DACT2: variants seen among roughly 807,000 people sequenced by gnomAD.
DACT2 encodes dishevelled binding antagonist of beta catenin 2, also known as dapper homolog 2.
Under a neutral mutation model 22.2 loss-of-function variants are expected in DACT2, and 20 were observed. The observed-to-expected ratio is 0.90, with a 90% CI of 0.63 to 1.31. The LOEUF (loss-of-function observed/expected upper bound fraction) is 1.31, where lower values mean the gene tolerates loss of function less well. DACT2 is among the 50% of genes most tolerant of loss of function. The probability of loss-of-function intolerance (pLI) is 0.00; values close to 1 mark genes in which losing one functional copy is unlikely to be tolerated. For synonymous variants in DACT2, 463 were observed against 479.8 expected (o/e 0.96, Z 0.46); for missense variants, 1,048 against 1,061.4 (o/e 0.99, Z 0.18).
rs1477128940 is a variant in DACT2 at position 168,308,295 on chromosome 6, T to G, written c.1462A>C (p.Lys488Gln). The G allele has an allele frequency of 6.4e-7, 1 of 1,552,282 alleles. No homozygotes were observed. Among genetic ancestry groups the G allele is most frequent in the Non-Finnish European group, 8.7e-7 (1 of 1,147,118 alleles). Residue 488 changes from lysine (K) to glutamine (Q), a missense_variant, in exon 4 of 4, where the codon AAA becomes CAA. Transcript: ENST00000366795. ...GCCTTGCTCTTGGGGGGACCCATTT[T>G]CAGGCTGGCAGCAAAGGATGGGTGG... ...FAHPSFAASLKMGPPKSKAEK... is the reference protein window; with the variant it reads ...FAHPSFAASLQMGPPKSKAEK...
intron 4 of DACT2, chr6:168,294,305 C>G: frequency 1.4e-6 from 1 of 696,992 alleles, no homozygotes; most frequent in Non-Finnish European, 2.6e-6. Flanking sequence ...TGTGAGGACA[C>G]AGAGGAAGGG....
intron 3 of DACT2, among the ~76,000 whole-genome samples, chr6:168,301,651 A>T (rs116152036): frequency 0.012 from 1,831 of 152,342 alleles, 36 homozygotes; most frequent in African/African-American, 0.042. Context: ...GCCTCTCATT[A>T]GAGCTGTGGT....
chr6:168,296,751 A>T (rs77423363), intron 3 of DACT2, among the ~76,000 whole-genome samples: 6,050 of 152,324 alleles, frequency 0.04, 273 homozygotes, highest in African/African-American at 0.11. Flanking sequence ...TAGGAGCTCT[A>T]CAAATACAAC....
chr6:168,298,796 A>T (rs1207076999), intron 3 of DACT2: 1 of 152,210 alleles, frequency 6.6e-6, no homozygotes, highest in Non-Finnish European at 1.5e-5. Flanking sequence ...TTAATTTCAG[A>T]CACCTCCACG....
Position 168,294,076 on chromosome 6 carries a change from G to A in DACT2, c.795+57C>T, listed in dbSNP as rs73789344. On this transcript the variant is annotated intron_variant, in intron 5 of 5. Coordinates refer to the DACT2 transcript ENST00000366796. Reference sequence around the variant, plus strand: ...ACGATGCCCATGAGCACAGACCCGCGATGGCAGTTGTGCAGCTAGACCCGA... The same window carrying A: ...ACGATGCCCATGAGCACAGACCCGCAATGGCAGTTGTGCAGCTAGACCCGA... The A allele has an allele frequency of 4.7e-3, 3,296 of 702,858 alleles. 61 individuals are homozygous for A. Among genetic ancestry groups the A allele is most frequent in the African/African-American group, 0.045 (2,567 of 57,286 alleles). 43.5% of individuals were successfully genotyped at this position (702,858 alleles called of 1,614,324 possible). A position where few individuals can be genotyped will look rare whatever the true frequency, so the allele number is the denominator to read the frequency against.
intron 3 of DACT2, chr6:168,294,745 A>C (rs1778980777): frequency 9.4e-7 from 1 of 1,060,824 alleles, no homozygotes; most frequent in Non-Finnish European, 1.3e-6. Context: ...GAGCTACAGA[A>C]CACACCTGCA....
chr6:168,310,293 G>C lies in DACT2; in HGVS notation c.533C>G (p.Ser178Trp). The C allele has an allele frequency of 6.4e-7, 1 of 1,551,522 alleles. No individual in the cohort carries two copies. The highest frequency in any genetic ancestry group is 8.7e-7 in the Non-Finnish European group (1 of 1,146,970). ...RPSMGDWRPR[S>W]VDETTVPAWR... ...CGCTGGCACAGTAGTCTCATCAACC[G>C]ACCGGGGCCTCCAGTCCCCCATGCT... Residue 178 changes from serine (S) to tryptophan (W), a missense_variant, in exon 3 of 4, where the codon TCG becomes TGG. Physicochemically the swap from Ser to Trp is radical, Grantham distance 177. Coordinates refer to ENST00000366795, the MANE Select transcript of DACT2 (RefSeq NM_214462.5).
downstream of DACT2, among the ~76,000 whole-genome samples, chr6:168,304,904 T>C (rs1779174594): frequency 6.6e-6 from 1 of 152,156 alleles, no homozygotes; most frequent in Non-Finnish European, 1.5e-5. Flanking sequence ...TAGGGAACCC[T>C]CCGAGGACCC....
At position 168,308,675 on chromosome 6, in the gene DACT2, G is replaced by A. The variant is rs769524155; in HGVS notation, c.1082C>T (p.Ala361Val). 1.6e-5 allele frequency: 25 copies of A among 1,545,144 alleles called. No individual in the cohort carries two copies. The South Asian group carries it at 2.3e-4, about 14-fold the overall frequency. The change falls in exon 4 of 4, where the codon GCG becomes GTG. Residue 361 changes from alanine (A) to valine (V), a missense_variant. Transcript: ENST00000366795. ...ACCCTGCCTCTGTGGAGATGGGGAC[G>A]CTGCATGCCTTAGAGGTCCCTGTTC... The part of the protein sequence containing the change: ...EGEQGPLRHA[A>V]SPSPQRQGGW...
At chr6:168,318,149 G>T (rs930837505) in intron 1 of DACT2, among the ~76,000 whole-genome samples, 2 of 152,254 alleles carry the variant, frequency 1.3e-5, no homozygotes, top group African/African-American at 4.8e-5. Flanking sequence ...TCACACAGAG[G>T]CTGCGATTGT....
chr6:168,305,119 T>C (rs34630065), downstream of DACT2, among the ~76,000 whole-genome samples: 10,285 of 151,874 alleles, frequency 0.068, 455 homozygotes, highest in Middle Eastern at 0.14. Context: ...AGAGAGAGGA[T>C]GGAGAGACAA....
intron 1 of DACT2, among the ~76,000 whole-genome samples, chr6:168,315,428 A>T (rs1779518288): frequency 6.6e-6 from 1 of 152,190 alleles, no homozygotes; most frequent in Non-Finnish European, 1.5e-5. Flanking sequence ...GGACACAGTC[A>T]ACCCTCTCTG....
At chr6:168,293,969 G>C in intron 5 of DACT2, 1 of 703,394 alleles carries the variant, frequency 1.4e-6, no homozygotes, top group South Asian at 1.5e-5. Flanking sequence ...AGGGATGACA[G>C]AGATTACTTG....
At chr6:168,300,267 G>A (rs987199205) in intron 3 of DACT2, 2 of 152,336 alleles carry the variant, frequency 1.3e-5, no homozygotes, top group Admixed American at 6.5e-5. Flanking sequence ...ACAGCATGCG[G>A]GAAATGACTG....
In DACT2 at chr6:168,309,042, C is replaced by T. The variant is rs939990159; in HGVS notation, c.715G>A (p.Ala239Thr). 7.8e-6 allele frequency: 12 copies of T among 1,543,304 alleles called. No individual in the cohort carries two copies. The highest frequency in any genetic ancestry group is 5.9e-5 in the Admixed American group (3 of 50,928). The stretch of plus-strand genomic sequence containing the variant: ...TGGCAGAGGAGCCCGAGGAGCTCGG[C>T]GTCCGCGCTGGCTTTCTGGAGCCCC... ...DTGLQKASAD[A>T]ELLGLLCQGV... The change falls in exon 4 of 4, where the codon GCC becomes ACC. Residue 239 changes from alanine to threonine, a missense_variant. By Grantham distance (58) the Ala-to-Thr change is moderately conservative. Transcript: ENST00000366795.
intron 1 of DACT2, 60 bp from the exon 2 acceptor site, chr6:168,311,344 T>C: frequency 6.8e-7 from 1 of 1,469,484 alleles, no homozygotes; most frequent in Non-Finnish European, 9.1e-7. Context: ...AACTTAAGGC[T>C]CAAAGGGGTG....
downstream of DACT2, among the ~76,000 whole-genome samples, chr6:168,306,663 G>A (rs1779214379): frequency 6.6e-6 from 1 of 151,890 alleles, no homozygotes; most frequent in South Asian, 2.1e-4. Flanking sequence ...TGTTGGCCAG[G>A]ATGGTCTTGA....
rs12530360 is a variant in DACT2 at position 168,307,365 on chromosome 6, T to C, written c.*67A>G. 0.15 allele frequency: 235,701 copies of C among 1,523,540 alleles called. 18,926 individuals carry two copies. Among genetic ancestry groups the C allele is most frequent in the Non-Finnish European group, 0.16 (179,611 of 1,136,778 alleles). 94.4% of individuals were successfully genotyped at this position (1,523,540 alleles called of 1,614,324 possible). A position where few individuals can be genotyped will look rare whatever the true frequency, so the allele number is the denominator to read the frequency against. Reference sequence around the variant, plus strand: ...GCAAGACGACACTGAAACCCAGACATGCACAGGACACTGCATGGAAAGGGC... The same window carrying C: ...GCAAGACGACACTGAAACCCAGACACGCACAGGACACTGCATGGAAAGGGC... On this transcript the variant is annotated 3_prime_UTR_variant, in exon 4 of 4. Coordinates refer to ENST00000366795, the MANE Select transcript of DACT2 (RefSeq NM_214462.5). This position sits in a 1 kb window ranked among gnomAD's most constrained non-coding sequence, Gnocchi z 5.3.
chr6:168,309,170 C>T (rs925911266), intron 3 of DACT2, 72 bp from the exon 4 acceptor site: 26 of 1,442,580 alleles, frequency 1.8e-5, no homozygotes, highest in Non-Finnish European at 2.2e-5. Flanking sequence ...TCATTTCATG[C>T]GTGGCAGCTG....
Sources: allele counts gnomAD v4.1 joint callset (sites outside exome capture counted in the v4.1 genomes callset), GRCh38; gene constraint gnomAD v4.1.1; non-coding constraint Gnocchi (gnomAD v3.1); transcripts MANE v1.5; gene names NCBI Gene and HGNC (gene_info 2026-07-23, HGNC 2026-07-21).